Variants in CACNA2D3 observed in about 807,000 individuals in gnomAD.
CACNA2D3 encodes calcium voltage-gated channel auxiliary subunit alpha2delta 3.
Under a neutral mutation model 160.6 loss-of-function variants are expected in CACNA2D3, and 60 were observed. The observed-to-expected ratio is 0.37, with a 90% confidence interval of 0.30 to 0.46. The LOEUF (loss-of-function observed/expected upper bound fraction) is 0.46, where lower values mean the gene tolerates loss of function less well. CACNA2D3 is among the 20% of genes least tolerant of loss of function. The probability of loss-of-function intolerance (pLI) is 1.00; values close to 1 mark genes in which losing one functional copy is unlikely to be tolerated. For missense variants in CACNA2D3, 1,205 were observed against 1,365.0 expected (o/e 0.88, Z 1.85); for synonymous variants, 558 against 492.9 (o/e 1.13, Z -1.75).
chr3:54,423,265 G>A (rs920854599), intron 4 of CACNA2D3, among the ~76,000 whole-genome samples: 2 of 151,998 alleles, frequency 1.3e-5, no homozygotes, highest in Admixed American at 1.3e-4. Context: ...TTATTTGGGG[G>A]TAATCAAAAT....
chr3:54,609,676 T>A (rs552723004), intron 9 of CACNA2D3, among the ~76,000 whole-genome samples: 14 of 152,208 alleles, frequency 9.2e-5, no homozygotes, highest in East Asian at 1.9e-4. Flanking sequence ...ATGAAAAAAA[T>A]TTTAAATATG....
Position 54,325,026 on chromosome 3 carries a change from G to A in CACNA2D3, c.321+4468G>A, listed in dbSNP as rs145392375. On this transcript the variant is annotated intron_variant, in intron 3 of 37. Transcript: ENST00000474759. ...TTGAGGGGAGGGAGAAGGCAGAAGG[G>A]TTATATTGCATGACCTTGGTTATAT... is the stretch of plus-strand genomic sequence containing the variant. Among the ~76,000 whole-genome samples the A allele has an allele frequency of 7.2e-4, 109 of 152,270 alleles. 1 individual carries two copies. The highest frequency in any genetic ancestry group is 2.5e-3 in the African/African-American group (104 of 41,558).
At chr3:54,311,751 T>G (rs908484430) in intron 2 of CACNA2D3, among the ~76,000 whole-genome samples, 1 of 152,208 alleles carries the variant, frequency 6.6e-6, no homozygotes, top group Non-Finnish European at 1.5e-5. Context: ...CCACATGTGT[T>G]TGTCAACACA....
chr3:54,514,601 A>G (rs143340080), intron 5 of CACNA2D3, among the ~76,000 whole-genome samples: 136 of 152,316 alleles, frequency 8.9e-4, no homozygotes, highest in African/African-American at 2.9e-3. Flanking sequence ...AGCTGGGCAT[A>G]TGATGCACCC....
intron 11 of CACNA2D3, among the ~76,000 whole-genome samples, chr3:54,748,380 G>T (rs1434458011): frequency 1.3e-5 from 2 of 152,032 alleles, no homozygotes; most frequent in African/African-American, 2.4e-5. Context: ...TCGGTTTTTT[G>T]AAAAAATCTG....
At chr3:54,348,289 G>A (rs114235469) in intron 3 of CACNA2D3, among the ~76,000 whole-genome samples, 20 of 152,182 alleles carry the variant, frequency 1.3e-4, no homozygotes, top group African/African-American at 3.9e-4. Flanking sequence ...GTATTGGTAC[G>A]TTTTGGTGGA....
chr3:54,712,688 CTAA>C (rs1700974942), intron 11 of CACNA2D3, among the ~76,000 whole-genome samples: 1 of 152,284 alleles, frequency 6.6e-6, no homozygotes, highest in Admixed American at 6.5e-5. Context: ...TGTAAACGGA[CTAA>C]TACAAAGAGA....
At chr3:54,315,542 C>T (rs1193816858) in intron 2 of CACNA2D3, among the ~76,000 whole-genome samples, 1 of 152,170 alleles carries the variant, frequency 6.6e-6, no homozygotes, top group Non-Finnish European at 1.5e-5. Flanking sequence ...GTCACCTACC[C>T]CTCTACTCCC....
At position 54,185,142 on chromosome 3, in the gene CACNA2D3, C is replaced by T. The variant is rs142151260; in HGVS notation, c.204+61548C>T. Among the ~76,000 whole-genome samples, 78 of 152,308 alleles carry T rather than the reference C, an allele frequency of 5.1e-4. 3 individuals are homozygous for T. In the East Asian group the frequency reaches 0.014, roughly 26 times the overall value. ...GTTGAAGTAATGGAAAAACCTGTTT[C>T]AATACCATAAGTTGTGATTGTTGTA... On this transcript the variant is annotated intron_variant, in intron 2 of 37. Transcript: ENST00000474759.
chr3:54,593,516 C>A (rs1174633319), intron 9 of CACNA2D3, among the ~76,000 whole-genome samples: 1 of 152,088 alleles, frequency 6.6e-6, no homozygotes, highest in African/African-American at 2.4e-5. Flanking sequence ...TATTTCTCCA[C>A]TGTTAGCGTG....
chr3:54,593,973 A>G (rs1021716393), intron 9 of CACNA2D3, among the ~76,000 whole-genome samples: 5 of 152,250 alleles, frequency 3.3e-5, no homozygotes, highest in East Asian at 3.9e-4. Flanking sequence ...ATATTATACT[A>G]TATATTTTTA....
At chr3:54,810,399 T>A (rs1189941461) in intron 13 of CACNA2D3, among the ~76,000 whole-genome samples, 1 of 152,182 alleles carries the variant, frequency 6.6e-6, no homozygotes, top group Non-Finnish European at 1.5e-5. Flanking sequence ...GCATAGGTTT[T>A]AGAGTTTGAG....
intron 27 of CACNA2D3, among the ~76,000 whole-genome samples, chr3:54,951,989 C>T (rs1030222602): frequency 5.3e-5 from 8 of 152,186 alleles, no homozygotes; most frequent in African/African-American, 1.7e-4. Flanking sequence ...GCCGGGACTA[C>T]AGGTGCCTGC....
chr3:54,595,111 G>A (rs917229326), intron 9 of CACNA2D3, among the ~76,000 whole-genome samples: 5 of 152,196 alleles, frequency 3.3e-5, no homozygotes, highest in African/African-American at 1.2e-4. Flanking sequence ...ACATTTATGT[G>A]ATAATGTATC....
At chr3:54,524,316 T>C (rs1701691946) in intron 5 of CACNA2D3, among the ~76,000 whole-genome samples, 1 of 152,130 alleles carries the variant, frequency 6.6e-6, no homozygotes, top group South Asian at 2.1e-4. Context: ...TCCCCAAATT[T>C]CTTCCTATTA....
chr3:54,667,391 G>C (rs1246871789), intron 11 of CACNA2D3, among the ~76,000 whole-genome samples: 2 of 152,190 alleles, frequency 1.3e-5, no homozygotes, highest in Non-Finnish European at 2.9e-5. Context: ...CCAAGGCAGA[G>C]GCTGGAAGGA....
At chr3:54,382,670 G>C (rs1383974180) in intron 3 of CACNA2D3, among the ~76,000 whole-genome samples, 2 of 152,212 alleles carry the variant, frequency 1.3e-5, no homozygotes, top group African/African-American at 4.8e-5. Context: ...TGTAATCCCA[G>C]CTACTCAGGA....
intron 10 of CACNA2D3, among the ~76,000 whole-genome samples, chr3:54,637,446 T>TTAC (rs1165530564): frequency 2.0e-5 from 3 of 151,868 alleles, no homozygotes; most frequent in African/African-American, 7.3e-5. Context: ...GACAATTTAG[T>TTAC]TAAAGTGTCT....
At position 55,051,927 on chromosome 3, in the gene CACNA2D3, G is replaced by A. The variant is rs372988348; in HGVS notation, c.2988-21518G>A. Among the ~76,000 whole-genome samples, 129 of 152,246 alleles carry A rather than the reference G, an allele frequency of 8.5e-4. No homozygotes were observed. In the East Asian group the frequency reaches 0.013, roughly 16 times the overall value. On this transcript the variant is annotated intron_variant, in intron 35 of 37. Transcript: ENST00000474759. ...GAAAGGGAACTCCCTGACCCCTTGC[G>A]CTTCCCAAGTGAGGCAATGCCTCGC...
Sources: gnomAD v4.1 joint callset for allele counts (sites outside exome capture counted in the v4.1 genomes callset) on GRCh38, gnomAD v4.1.1 for gene constraint, MANE v1.5 for transcripts, NCBI Gene and HGNC (gene_info 2026-07-23, HGNC 2026-07-21) for gene names.